Variants in CACNA2D3 observed in about 807,000 individuals in gnomAD.
CACNA2D3 encodes voltage-dependent calcium channel subunit alpha-2/delta-3.
Under a neutral mutation model 160.6 loss-of-function variants are expected in CACNA2D3, and 60 were observed. The observed-to-expected ratio is 0.37, with a 90% CI of 0.30 to 0.46. The LOEUF (loss-of-function observed/expected upper bound fraction) is 0.46, where lower values mean the gene tolerates loss of function less well. Ranked by LOEUF, CACNA2D3 falls within the 20% of genes least tolerant of loss-of-function variation. The pLI, the probability that CACNA2D3 is intolerant of heterozygous loss-of-function variation, is 1.00. For missense variants in CACNA2D3, 1,205 were observed against 1,365.0 expected (o/e 0.88, Z 1.85); for synonymous variants, 558 against 492.9 (o/e 1.13, Z -1.75).
chr3:55,042,452 A>G (rs1044115950), intron 35 of CACNA2D3, among the ~76,000 whole-genome samples: 1 of 152,032 alleles, frequency 6.6e-6, no homozygotes, highest in African/African-American at 2.4e-5. Flanking sequence ...TCTGATCTTA[A>G]TTTAGCCAAA....
intron 14 of CACNA2D3, among the ~76,000 whole-genome samples, chr3:54,823,538 C>G (rs923574789): frequency 1.3e-5 from 2 of 151,872 alleles, no homozygotes; most frequent in African/African-American, 4.8e-5. Context: ...CAGTGACTTG[C>G]AATTTTATTT....
At chr3:54,961,977 G>A (rs756876976) in intron 27 of CACNA2D3, among the ~76,000 whole-genome samples, 11 of 152,236 alleles carry the variant, frequency 7.2e-5, no homozygotes, top group South Asian at 2.1e-4. Flanking sequence ...GCATGGCATC[G>A]TGAGGGGACT....
At chr3:54,731,253 CAA>C in intron 11 of CACNA2D3, among the ~76,000 whole-genome samples, 1 of 152,288 alleles carries the variant, frequency 6.6e-6, no homozygotes, top group South Asian at 2.1e-4. Flanking sequence ...AGATATTATG[CAA>C]AGTCATACTG....
intron 2 of CACNA2D3, among the ~76,000 whole-genome samples, chr3:54,261,229 A>G (rs527242269): frequency 6.6e-6 from 1 of 152,162 alleles, no homozygotes; most frequent in South Asian, 2.1e-4. Flanking sequence ...GAATATTCAC[A>G]TGGATGCTTT....
At chr3:54,424,012 C>T (rs1007079642) in intron 4 of CACNA2D3, among the ~76,000 whole-genome samples, 1 of 151,968 alleles carries the variant, frequency 6.6e-6, no homozygotes, top group African/African-American at 2.4e-5. Context: ...GCTCAGCCTT[C>T]CAAGTAGCTG....
At chr3:54,452,032 A>G (rs891298064) in intron 4 of CACNA2D3, among the ~76,000 whole-genome samples, 1 of 152,220 alleles carries the variant, frequency 6.6e-6, no homozygotes. Context: ...ATGCCTCACT[A>G]GAAGTACCTT....
chr3:54,569,835 C>T lies in CACNA2D3; in HGVS notation c.717C>T (p.Phe239=), dbSNP rs376472819. 9.3e-6 allele frequency: 15 copies of T among 1,607,284 alleles called. No individual in the cohort carries two copies. The highest frequency in any genetic ancestry group is 4.5e-5 in the East Asian group (2 of 44,708). ...WEPDENGVIA[F]DCRNRKWYIQ... is the part of the protein sequence containing the mutation. The stretch of plus-strand genomic sequence containing the variant: ...CAGATGAGAATGGAGTCATTGCCTT[C>T]GACTGCAGGAACCGAAAATGGTAGG... Residue 239 remains phenylalanine (F), a synonymous_variant, in exon 7 of 38, where the codon TTC becomes TTT. Transcript: ENST00000474759.
At position 54,646,418 on chromosome 3, in the gene CACNA2D3, TG is replaced by T. The variant is rs1699652045; in HGVS notation, c.1167+4178del. The stretch of plus-strand genomic sequence containing the variant: ...CTGATGCTCTCTCACCCCACAAAGG[TG>T]CCCCAGTATGTGTTGTTTGCCCCCA... On this transcript the variant is annotated intron_variant, in intron 11 of 37. Coordinates refer to ENST00000474759, the MANE Select transcript of CACNA2D3 (RefSeq NM_018398.3). Among the ~76,000 whole-genome samples, 6 of 42,898 alleles carry T rather than the reference TG, an allele frequency of 1.4e-4. No individual in the cohort carries two copies. The South Asian group carries it at 5.4e-3, about 39-fold the overall frequency. The allele number at this position is 42,898 out of a possible 152,430, so 28.1% of individuals were successfully genotyped here.
chr3:54,380,197 C>T (rs1575424098), intron 3 of CACNA2D3, among the ~76,000 whole-genome samples: 1 of 152,314 alleles, frequency 6.6e-6, no homozygotes, highest in East Asian at 1.9e-4. Context: ...CTCATTTTGC[C>T]TGGGTTCCTG....
intron 5 of CACNA2D3, among the ~76,000 whole-genome samples, chr3:54,512,526 C>G (rs1362099792): frequency 6.6e-6 from 1 of 152,176 alleles, no homozygotes; most frequent in Non-Finnish European, 1.5e-5. Flanking sequence ...CTTCCTTTTT[C>G]TCCTGCACCT....
intron 27 of CACNA2D3, among the ~76,000 whole-genome samples, chr3:54,950,287 T>C (rs906438373): frequency 6.6e-6 from 1 of 152,170 alleles, no homozygotes; most frequent in Non-Finnish European, 1.5e-5. Context: ...TGAACGTAGA[T>C]GTTATTTTAG....
chr3:54,204,796 G>GAAAAAAAAAAAAAAAAAAAAA (rs57129457), intron 2 of CACNA2D3, among the ~76,000 whole-genome samples: 18 of 74,070 alleles, frequency 2.4e-4, no homozygotes, highest in Admixed American at 5.5e-4. Context: ...ATGCTGTCTT[G>GAAAAAAAAAAAAAAAAAAAAA]AAAAAAAAAA....
chr3:54,850,660 C>T (rs983464491), intron 17 of CACNA2D3, among the ~76,000 whole-genome samples: 7 of 152,206 alleles, frequency 4.6e-5, no homozygotes, highest in Middle Eastern at 3.4e-3. Context: ...CTGGTCAAAC[C>T]GACAGGAGAA....
intron 14 of CACNA2D3, among the ~76,000 whole-genome samples, chr3:54,819,360 A>G (rs1232819096): frequency 1.3e-5 from 2 of 152,170 alleles, no homozygotes; most frequent in Non-Finnish European, 2.9e-5. Flanking sequence ...GACCCTCAAA[A>G]TATAGAGTTC....
At chr3:54,193,240 T>A (rs1223575804) in intron 2 of CACNA2D3, among the ~76,000 whole-genome samples, 1 of 152,068 alleles carries the variant, frequency 6.6e-6, no homozygotes. Flanking sequence ...TTCCTTAGAG[T>A]CCATGGCTAT....
intron 2 of CACNA2D3, among the ~76,000 whole-genome samples, chr3:54,280,225 G>T (rs906893428): frequency 3.9e-5 from 6 of 152,030 alleles, no homozygotes; most frequent in Non-Finnish European, 7.4e-5. Context: ...GGAACTACAG[G>T]TGCTCGCCAC....
intron 13 of CACNA2D3, among the ~76,000 whole-genome samples, chr3:54,802,810 C>T (rs182186777): frequency 6.6e-6 from 1 of 152,152 alleles, no homozygotes; most frequent in Non-Finnish European, 1.5e-5. Flanking sequence ...GGCACCCCCC[C>T]AGTAGGGGCA....
intron 4 of CACNA2D3, among the ~76,000 whole-genome samples, chr3:54,388,976 G>A (rs147917227): frequency 2.0e-5 from 3 of 151,832 alleles, no homozygotes; most frequent in Admixed American, 6.6e-5. Context: ...CCATGAGTCC[G>A]CTTGATAATA....
chr3:54,641,945 A>G (rs1699530070), intron 10 of CACNA2D3, among the ~76,000 whole-genome samples, 183 bp from the exon 11 acceptor site: 2 of 152,162 alleles, frequency 1.3e-5, no homozygotes, highest in South Asian at 4.2e-4. Context: ...TTAAAGATCC[A>G]ATTTGTCAGA....
Sources: allele counts gnomAD v4.1 joint callset (sites outside exome capture counted in the v4.1 genomes callset), GRCh38; gene constraint gnomAD v4.1.1; transcripts MANE v1.5; gene names NCBI Gene and HGNC (gene_info 2026-07-23, HGNC 2026-07-21).